Variants in DAB1 observed in about 807,000 individuals in gnomAD.
DAB1 encodes disabled homolog 1.
DAB1 carries 15 observed loss-of-function variants against 64.6 expected under a neutral mutation model. The ratio of observed to expected loss-of-function variants is 0.23; its 90% CI spans 0.16 to 0.36. DAB1 has a LOEUF of 0.36. Ranked by LOEUF, DAB1 falls within the 10% of genes least tolerant of loss-of-function variation. The pLI is 1.00. For missense variants in DAB1, 596 were observed against 706.7 expected (o/e 0.84, Z 1.78); for synonymous variants, 235 against 251.9 (o/e 0.93, Z 0.64).
At chr1:58,085,323 A>G (rs1175150091) in intron 5 of DAB1, among the ~76,000 whole-genome samples, 2 of 152,118 alleles carry the variant, frequency 1.3e-5, no homozygotes, top group African/African-American at 2.4e-5. Flanking sequence ...GCTCCATATA[A>G]TCTTGATATT....
intron 7 of DAB1, among the ~76,000 whole-genome samples, chr1:57,462,790 T>C (rs1686829843): frequency 1.3e-5 from 2 of 152,136 alleles, no homozygotes. Flanking sequence ...GGATCTAGCA[T>C]GTAAATAAGA....
chr1:57,098,331 T>C (rs1654361174), intron 4 of DAB1, among the ~76,000 whole-genome samples: 1 of 152,240 alleles, frequency 6.6e-6, no homozygotes, highest in African/African-American at 2.4e-5. Context: ...ATTATAATTC[T>C]AATTTTACAA....
intron 1 of DAB1, among the ~76,000 whole-genome samples, chr1:57,335,631 G>A (rs1470695225): frequency 2.0e-5 from 3 of 152,198 alleles, no homozygotes; most frequent in African/African-American, 4.8e-5. Context: ...AATGGGTCCT[G>A]TAATTTAGTG....
At chr1:58,380,951 C>G (rs554401498) in intron 3 of DAB1, among the ~76,000 whole-genome samples, 1 of 152,286 alleles carries the variant, frequency 6.6e-6, no homozygotes, top group Middle Eastern at 3.4e-3. Flanking sequence ...CCATGGAATA[C>G]TATGCACCCA....
chr1:58,012,948 T>G (rs1345005243), intron 5 of DAB1, among the ~76,000 whole-genome samples: 1 of 152,182 alleles, frequency 6.6e-6, no homozygotes, highest in Non-Finnish European at 1.5e-5. Context: ...ATATCATCAC[T>G]GGCCATTTAG....
intron 5 of DAB1, among the ~76,000 whole-genome samples, chr1:58,059,655 G>A (rs1332412984): frequency 2.0e-5 from 3 of 152,232 alleles, no homozygotes; most frequent in African/African-American, 7.2e-5. Flanking sequence ...ACTTCAAGGA[G>A]CACACAGTCT....
At chr1:57,355,666 C>T (rs910705276) in intron 1 of DAB1, among the ~76,000 whole-genome samples, 5 of 151,930 alleles carry the variant, frequency 3.3e-5, no homozygotes, top group African/African-American at 7.2e-5. Context: ...CGTGGTATTT[C>T]GTGGTATTTC....
Position 57,210,804 on chromosome 1 carries a change from T to C in DAB1, c.68-65375A>G, listed in dbSNP as rs72919284. On this transcript the variant is annotated intron_variant, in intron 2 of 14. Coordinates refer to ENST00000371236, the MANE Select transcript of DAB1 (RefSeq NM_001365792.1). ...GTTTAGTTACCAATAGAAAATATTT[T>C]AAAAATTTAAAAACGGGGCCAGATG... Among the ~76,000 whole-genome samples the C allele has an allele frequency of 8.7e-3, 1,331 of 152,316 alleles. 20 individuals carry two copies. The highest frequency in any genetic ancestry group is 0.031 in the African/African-American group (1,280 of 41,570).
At chr1:58,096,505 T>A (rs891397985) in intron 5 of DAB1, among the ~76,000 whole-genome samples, 1 of 152,212 alleles carries the variant, frequency 6.6e-6, no homozygotes, top group African/African-American at 2.4e-5. Flanking sequence ...TATTTACACG[T>A]CTGTTAATGA....
At chr1:57,154,115 G>A (rs1659982066) in intron 2 of DAB1, among the ~76,000 whole-genome samples, 1 of 152,090 alleles carries the variant, frequency 6.6e-6, no homozygotes, top group Non-Finnish European at 1.5e-5. Flanking sequence ...ATTGGCTATA[G>A]TCACCTTGTT....
chr1:57,481,038 A>T (rs1570560030), intron 7 of DAB1, among the ~76,000 whole-genome samples: 1 of 152,198 alleles, frequency 6.6e-6, no homozygotes, highest in East Asian at 1.9e-4. Context: ...ATGACTGACA[A>T]AGTTGAGTCA....
At chr1:57,111,247 A>G (rs1655629996) in intron 4 of DAB1, among the ~76,000 whole-genome samples, 1 of 152,142 alleles carries the variant, frequency 6.6e-6, no homozygotes, top group Admixed American at 6.5e-5. Flanking sequence ...CCACGTGTTC[A>G]AGAGAAGTGA....
intron 4 of DAB1, among the ~76,000 whole-genome samples, chr1:58,168,214 G>T (rs113947503): frequency 6.6e-6 from 1 of 152,150 alleles, no homozygotes; most frequent in Non-Finnish European, 1.5e-5. Context: ...GCTCTTCAGA[G>T]TTGGGAGCGC....
intron 7 of DAB1, among the ~76,000 whole-genome samples, chr1:57,584,072 G>A (rs561191633): frequency 6.6e-5 from 10 of 152,252 alleles, no homozygotes; most frequent in African/African-American, 2.2e-4. Context: ...AGGAGTATGC[G>A]CCTGTAACAA....
intron 1 of DAB1, among the ~76,000 whole-genome samples, chr1:57,402,673 T>A (rs1052118281): frequency 6.6e-6 from 1 of 152,218 alleles, no homozygotes; most frequent in African/African-American, 2.4e-5. Context: ...TCACAATAGA[T>A]GTATCGATTT....
chr1:57,783,483 G>A (rs944433762), intron 6 of DAB1, among the ~76,000 whole-genome samples: 1 of 152,126 alleles, frequency 6.6e-6, no homozygotes, highest in Non-Finnish European at 1.5e-5. Flanking sequence ...TCTCCTGCAA[G>A]CTTTTCTGCA....
intron 1 of DAB1, among the ~76,000 whole-genome samples, chr1:57,377,918 G>C (rs1202962583): frequency 6.6e-6 from 1 of 152,126 alleles, no homozygotes; most frequent in Non-Finnish European, 1.5e-5. Flanking sequence ...GGGTGGAAAG[G>C]GTCCTTCTAC....
intron 5 of DAB1, among the ~76,000 whole-genome samples, chr1:57,923,260 T>C (rs1329794240): frequency 2.0e-5 from 3 of 151,956 alleles, no homozygotes; most frequent in Non-Finnish European, 4.4e-5. Context: ...TGCTTGAAAA[T>C]AAGAATGGAA....
chr1:57,454,094 A>G (rs1174220081), intron 7 of DAB1, among the ~76,000 whole-genome samples: 1 of 152,148 alleles, frequency 6.6e-6, no homozygotes, highest in Non-Finnish European at 1.5e-5. Context: ...CTTGTGGGTT[A>G]GGTTTACTAT....
Sources: gnomAD v4.1 joint callset for allele counts (sites outside exome capture counted in the v4.1 genomes callset) on GRCh38, gnomAD v4.1.1 for gene constraint, MANE v1.5 for transcripts, NCBI Gene and HGNC (gene_info 2026-07-23, HGNC 2026-07-21) for gene names.